The following SLC30A7 variants were observed in gnomAD, a reference collection of about 807,000 sequenced individuals.
The protein encoded by SLC30A7 is solute carrier family 30 member 7, also known as zinc transporter 7.
In SLC30A7, 35 loss-of-function variants were observed where a neutral mutation model predicts 46.0. The ratio of observed to expected loss-of-function variants is 0.76; its 90% CI spans 0.58 to 1.01. SLC30A7 has a LOEUF of 1.01. SLC30A7 is among the 50% of genes least tolerant of loss of function. The pLI, the probability that SLC30A7 is intolerant of heterozygous loss-of-function variation, is 0.00. For missense variants in SLC30A7, 464 were observed against 451.1 expected (o/e 1.03, Z -0.26); for synonymous variants, 147 against 157.8 (o/e 0.93, Z 0.51).
chr1:100,994,097 C>T, the SLC30A7 span, among the ~76,000 whole-genome samples: 4 of 152,002 alleles, frequency 2.6e-5, no homozygotes, highest in Non-Finnish European at 4.4e-5. Context: ...AATTTAACAC[C>T]TACTCATATA....
intron 3 of SLC30A7, among the ~76,000 whole-genome samples, chr1:100,907,939 C>T (rs1263065652): frequency 1.3e-5 from 2 of 151,924 alleles, no homozygotes; most frequent in Non-Finnish European, 1.5e-5. Flanking sequence ...CCTTTCCTGT[C>T]TTATTCTTTG....
intron 8 of SLC30A7, among the ~76,000 whole-genome samples, chr1:100,953,346 A>G (rs1655056343): frequency 6.6e-6 from 1 of 152,170 alleles, no homozygotes; most frequent in Admixed American, 6.5e-5. Context: ...GAAACCAGAG[A>G]TTAATTAGCA....
intron 8 of SLC30A7, among the ~76,000 whole-genome samples, chr1:100,956,995 TGA>T (rs1216801231): frequency 6.6e-6 from 1 of 152,260 alleles, no homozygotes; most frequent in Non-Finnish European, 1.5e-5. Context: ...TGAATTTCTC[TGA>T]GATGAAATAT....
intron 3 of SLC30A7, among the ~76,000 whole-genome samples, chr1:100,907,472 AT>A (rs1651754394): frequency 6.6e-6 from 1 of 152,194 alleles, no homozygotes; most frequent in African/African-American, 2.4e-5. Flanking sequence ...TCTTAGAGGC[AT>A]AATTTGATTT....
chr1:100,978,976 A>G lies in SLC30A7; in HGVS notation c.*4119A>G, dbSNP rs1656736038. 1 of 152,068 alleles carries G rather than the reference A, an allele frequency of 6.6e-6. No homozygotes were observed. Among genetic ancestry groups the G allele is most frequent in the Admixed American group, 6.6e-5 (1 of 15,264 alleles). 9.4% of individuals were successfully genotyped at this position (152,068 alleles called of 1,614,324 possible). On this transcript the variant is annotated 3_prime_UTR_variant, in exon 11 of 11. Transcript: ENST00000357650. ...TTTTGTTTATGGTCTCTGAACTGGT[A>G]TTTTTTTATAAACCAGGCTAATTCA...
chr1:100,974,959 A>G lies in SLC30A7; in HGVS notation c.*102A>G, dbSNP rs1251159016. 3 of 947,588 alleles carry G rather than the reference A, an allele frequency of 3.2e-6. No individual in the cohort carries two copies. The highest frequency in any genetic ancestry group is 2.2e-4 in the Middle Eastern group (1 of 4,558). 58.7% of individuals were successfully genotyped at this position (947,588 alleles called of 1,614,324 possible). On this transcript the variant is annotated 3_prime_UTR_variant, in exon 11 of 11. Transcript: ENST00000357650. ...TTTTTAAAAGAGAGAAATTATCACTACAACTCCCGAGCACTAAGTAGACGG... is the reference window on the plus strand; with the variant it reads ...TTTTTAAAAGAGAGAAATTATCACTGCAACTCCCGAGCACTAAGTAGACGG...
chr1:100,932,364 G>A (rs761532396), intron 8 of SLC30A7, among the ~76,000 whole-genome samples: 2 of 152,128 alleles, frequency 1.3e-5, no homozygotes, highest in Non-Finnish European at 2.9e-5. Flanking sequence ...GCAGTGAGCC[G>A]AGATTGCGCC....
chr1:100,921,946 CTTGCTT>C, intron 8 of SLC30A7, 105 bp downstream of exon 8: 8 of 673,958 alleles, frequency 1.2e-5, no homozygotes, highest in South Asian at 1.1e-4. Flanking sequence ...TTTTCCTTTG[CTTGCTT>C]TTTTTTTTTT....
At chr1:100,983,401 CA>C (rs1326139897), downstream of SLC30A7, among the ~76,000 whole-genome samples, 321 of 100,172 alleles carry the variant, frequency 3.2e-3, 2 homozygotes, top group African/African-American at 0.011. Flanking sequence ...CAAAACAAAA[CA>C]AAACAAAAAA....
At chr1:100,985,650 C>A (rs1342969353), downstream of SLC30A7, among the ~76,000 whole-genome samples, 1 of 151,552 alleles carries the variant, frequency 6.6e-6, no homozygotes, top group Non-Finnish European at 1.5e-5. Context: ...GGTGCAGAAA[C>A]AATTCAATGG....
chr1:100,984,898 A>G (rs979601997), downstream of SLC30A7, among the ~76,000 whole-genome samples: 1 of 152,272 alleles, frequency 6.6e-6, no homozygotes, highest in Non-Finnish European at 1.5e-5. Flanking sequence ...CAAAAATGCT[A>G]TATGAAATGC....
intron 8 of SLC30A7, among the ~76,000 whole-genome samples, chr1:100,954,286 A>G (rs192528235): frequency 1.8e-4 from 27 of 152,300 alleles, no homozygotes; most frequent in Middle Eastern, 6.8e-3. Flanking sequence ...ACTCTTACCT[A>G]TGTATAACAA....
chr1:100,912,628 A>G (rs972271863), intron 5 of SLC30A7, among the ~76,000 whole-genome samples: 27 of 152,106 alleles, frequency 1.8e-4, no homozygotes, highest in South Asian at 2.1e-4. Context: ...GGTTGACACC[A>G]GCCTGGGCGA....
chr1:100,951,940 A>C (rs1558001271), intron 8 of SLC30A7, among the ~76,000 whole-genome samples: 1 of 152,236 alleles, frequency 6.6e-6, no homozygotes, highest in East Asian at 1.9e-4. Flanking sequence ...GCCCAATATA[A>C]TAAAAAAGGG....
the SLC30A7 span, chr1:100,992,645 TCTC>T: frequency 1.9e-5 from 30 of 1,613,694 alleles, no homozygotes; most frequent in South Asian, 1.4e-4. Flanking sequence ...ACCTGGTTCT[TCTC>T]CTCGTATTCT....
At chr1:100,986,216 C>A (rs1217358061), downstream of SLC30A7, among the ~76,000 whole-genome samples, 1 of 152,066 alleles carries the variant, frequency 6.6e-6, no homozygotes, top group Non-Finnish European at 1.5e-5. Flanking sequence ...TCGGGACCAG[C>A]CTGACCAACA....
At chr1:100,938,379 A>T (rs1379042104) in intron 8 of SLC30A7, among the ~76,000 whole-genome samples, 1 of 152,202 alleles carries the variant, frequency 6.6e-6, no homozygotes, top group East Asian at 1.9e-4. Context: ...TATAGAATTA[A>T]CTGTTTTTTT....
intron 8 of SLC30A7, among the ~76,000 whole-genome samples, chr1:100,932,150 C>G (rs1324087397): frequency 6.6e-6 from 1 of 152,176 alleles, no homozygotes; most frequent in Non-Finnish European, 1.5e-5. Flanking sequence ...CACGGTTGCT[C>G]ATGCCTGTAA....
chr1:100,964,340 T>TAACC (rs1407103362), intron 9 of SLC30A7, among the ~76,000 whole-genome samples: 58 of 135,452 alleles, frequency 4.3e-4, no homozygotes, highest in African/African-American at 1.8e-3. Context: ...TGTATATATG[T>TAACC]TATATATACA....
Sources: allele counts gnomAD v4.1 joint callset (sites outside exome capture counted in the v4.1 genomes callset), GRCh38; gene constraint gnomAD v4.1.1; transcripts MANE v1.5; gene names NCBI Gene and HGNC (gene_info 2026-07-23, HGNC 2026-07-21).